The following GYPC variants were observed in gnomAD, a reference collection of about 807,000 sequenced individuals.
The protein encoded by GYPC is glycophorin-C.
Under a neutral mutation model 12.6 loss-of-function variants are expected in GYPC, and 14 were observed. The ratio of observed to expected loss-of-function variants is 1.11; its 90% CI spans 0.74 to 1.74. GYPC has a LOEUF of 1.74. Among genes scored for constraint, GYPC ranks in the 40% most tolerant of loss-of-function variants. The pLI, the probability that GYPC is intolerant of heterozygous loss-of-function variation, is 0.00. For missense variants in GYPC, 225 were observed against 172.1 expected (o/e 1.31, Z -1.72); for synonymous variants, 78 against 62.1 (o/e 1.26, Z -1.20).
chr2:126,676,809 C>T (rs1477474130), intron 1 of GYPC, among the ~76,000 whole-genome samples: 2 of 152,126 alleles, frequency 1.3e-5, no homozygotes, highest in Admixed American at 1.3e-4. Context: ...TCCCTAAGCA[C>T]AGAGAAAGGA....
At chr2:126,695,856 T>C in intron 3 of GYPC, 90 bp from the exon 4 acceptor site, 1 of 952,710 alleles carries the variant, frequency 1.0e-6, no homozygotes, top group Admixed American at 1.7e-5. Flanking sequence ...ATTGTATCTG[T>C]CCTCACACAA....
At chr2:126,684,687 A>G (rs954656516) in intron 1 of GYPC, among the ~76,000 whole-genome samples, 1 of 152,222 alleles carries the variant, frequency 6.6e-6, no homozygotes, top group African/African-American at 2.4e-5. Context: ...ACGGTGGAGC[A>G]TATGGCTGGA....
At chr2:126,677,544 TGTGA>T (rs1025383043) in intron 1 of GYPC, among the ~76,000 whole-genome samples, 4 of 150,954 alleles carry the variant, frequency 2.6e-5, no homozygotes, top group East Asian at 1.9e-4. Context: ...TCTGTGTGTA[TGTGA>T]GTGTGTGTAT....
At chr2:126,683,848 T>G (rs1683215022) in intron 1 of GYPC, among the ~76,000 whole-genome samples, 4 of 152,318 alleles carry the variant, frequency 2.6e-5, no homozygotes, top group African/African-American at 9.6e-5. Context: ...TGACTCTGCC[T>G]TCTGAGTGTT....
chr2:126,694,564 C>A (rs1166364581), intron 3 of GYPC, among the ~76,000 whole-genome samples: 1 of 152,074 alleles, frequency 6.6e-6, no homozygotes, highest in Non-Finnish European at 1.5e-5. Flanking sequence ...CAGAAGCAAG[C>A]AATCAAAGAC....
At chr2:126,664,004 A>C (rs1682614360) in intron 1 of GYPC, among the ~76,000 whole-genome samples, 1 of 130,794 alleles carries the variant, frequency 7.6e-6, no homozygotes, top group Non-Finnish European at 1.6e-5. Flanking sequence ...CTCTCTCTGG[A>C]GAAAGCTCCT....
intron 1 of GYPC, chr2:126,657,497 C>T (rs578029533): frequency 6.6e-6 from 1 of 152,394 alleles, no homozygotes; most frequent in Admixed American, 6.5e-5. Context: ...CGGAGTCTGA[C>T]ACATCCTAAG....
chr2:126,687,107 A>G (rs1192999247), intron 1 of GYPC, among the ~76,000 whole-genome samples: 14 of 152,186 alleles, frequency 9.2e-5, no homozygotes. Context: ...CTCCATCTCC[A>G]GAGGCTTCCG....
At chr2:126,667,646 G>T (rs556516255) in intron 1 of GYPC, among the ~76,000 whole-genome samples, 3 of 146,816 alleles carry the variant, frequency 2.0e-5, no homozygotes, top group Admixed American at 2.0e-4. Context: ...CAGGTGATCC[G>T]CCCGCCTTGG....
At chr2:126,689,847 TCAA>T (rs1466649301) in intron 1 of GYPC, among the ~76,000 whole-genome samples, 1 of 152,142 alleles carries the variant, frequency 6.6e-6, no homozygotes, top group Non-Finnish European at 1.5e-5. Flanking sequence ...CTATAGCAAC[TCAA>T]ATTGGACTGA....
At chr2:126,675,783 T>C in intron 1 of GYPC, 1 of 502,198 alleles carries the variant, frequency 2.0e-6, no homozygotes, top group Non-Finnish European at 2.6e-6. Context: ...ATATTCACCG[T>C]AGTAGTGATG....
chr2:126,670,284 C>A (rs1682810886), intron 1 of GYPC, among the ~76,000 whole-genome samples: 1 of 152,234 alleles, frequency 6.6e-6, no homozygotes, highest in African/African-American at 2.4e-5. Context: ...TTCTGGGACA[C>A]CCCGATTCCA....
intron 1 of GYPC, among the ~76,000 whole-genome samples, chr2:126,664,753 C>T (rs530708238): frequency 9.8e-5 from 15 of 152,354 alleles, no homozygotes; most frequent in African/African-American, 3.6e-4. Flanking sequence ...CTCTCCCTGC[C>T]TGAATCTGCC....
intron 1 of GYPC, among the ~76,000 whole-genome samples, chr2:126,668,283 C>G (rs1682742656): frequency 6.6e-6 from 1 of 152,180 alleles, no homozygotes; most frequent in Admixed American, 6.5e-5. Flanking sequence ...GTCCATCTGA[C>G]CCATTTGAGT....
chr2:126,661,415 G>C lies in GYPC; in HGVS notation c.49+5103G>C, dbSNP rs542731114. ...TTGCATTCTAGTCTCTCCTGCTTCT[G>C]CTTATGCATGTGAAAGCCAGATGCC... On this transcript the variant is annotated intron_variant, in intron 1 of 3. Transcript: ENST00000259254. Among the ~76,000 whole-genome samples the C allele has an allele frequency of 2.6e-5, 4 of 151,570 alleles. 1 individual carries two copies. Among genetic ancestry groups the C allele is most frequent in the South Asian group, 2.1e-4 (1 of 4,802 alleles).
intron 1 of GYPC, among the ~76,000 whole-genome samples, chr2:126,660,983 C>A (rs530261977): frequency 6.6e-6 from 1 of 152,328 alleles, no homozygotes; most frequent in Non-Finnish European, 1.5e-5. Context: ...ATAATCGGAA[C>A]TTCTGACAGA....
intron 2 of GYPC, among the ~76,000 whole-genome samples, chr2:126,692,847 C>T (rs1262613399): frequency 1.3e-5 from 2 of 152,188 alleles, no homozygotes; most frequent in Non-Finnish European, 2.9e-5. Context: ...AGAGAAAGTG[C>T]ACTCCAGAGG....
intron 1 of GYPC, chr2:126,686,534 C>CGTG (rs1395276129): frequency 1.0e-6 from 1 of 985,300 alleles, no homozygotes; most frequent in African/African-American, 1.7e-5. Context: ...TCGTGGTTCC[C>CGTG]CAGAAGGCTT....
intron 1 of GYPC, among the ~76,000 whole-genome samples, chr2:126,661,896 T>A (rs966537538): frequency 6.6e-6 from 1 of 152,158 alleles, no homozygotes; most frequent in Admixed American, 6.5e-5. Flanking sequence ...CTGGGCAGGG[T>A]GGCCTTGGTT....
Sources: gnomAD v4.1 joint callset for allele counts (sites outside exome capture counted in the v4.1 genomes callset) on GRCh38, gnomAD v4.1.1 for gene constraint, MANE v1.5 for transcripts, NCBI Gene and HGNC (gene_info 2026-07-23, HGNC 2026-07-21) for gene names.